The following SLIT3 variants were observed in gnomAD, a reference collection of about 807,000 sequenced individuals.
SLIT3 encodes slit homolog 3 protein.
A neutral mutation model predicts 184.0 loss-of-function variants in SLIT3; 68 were observed. The ratio of observed to expected loss-of-function variants is 0.37; its 90% CI spans 0.30 to 0.45. The LOEUF is 0.45. Among genes scored for constraint, SLIT3 ranks in the 20% least tolerant of loss-of-function variants. SLIT3 has a pLI of 1.00. For synonymous variants in SLIT3, 831 were observed against 828.6 expected (o/e 1.00, Z -0.05); for missense variants, 1,707 against 2,026.0 (o/e 0.84, Z 3.02).
At chr5:168,978,845 C>T (rs1451600341) in intron 4 of SLIT3, among the ~76,000 whole-genome samples, 2 of 151,398 alleles carry the variant, frequency 1.3e-5, no homozygotes, top group Non-Finnish European at 2.9e-5. Context: ...CATTCTCTCC[C>T]TCCTCCATTG....
chr5:168,772,653 T>C (rs1463645665), intron 14 of SLIT3, 128 bp downstream of exon 14: 4 of 997,406 alleles, frequency 4.0e-6, no homozygotes, highest in South Asian at 1.5e-5. Context: ...ATTTCCCCAA[T>C]TTAATTTGCA....
chr5:168,751,773 G>A (rs13158329), intron 18 of SLIT3, among the ~76,000 whole-genome samples: 6,737 of 146,374 alleles, frequency 0.046, 213 homozygotes, highest in Non-Finnish European at 0.068. Context: ...TCGCTCTGTT[G>A]CCAGGCTGGA....
intron 27 of SLIT3, among the ~76,000 whole-genome samples, chr5:168,699,584 A>G (rs1270000691): frequency 4.6e-5 from 7 of 152,308 alleles, no homozygotes. Flanking sequence ...GACAGGGAGG[A>G]GAAAAACCTA....
chr5:169,294,537 G>A (rs1028931768), intron 1 of SLIT3, among the ~76,000 whole-genome samples: 1 of 152,238 alleles, frequency 6.6e-6, no homozygotes, highest in African/African-American at 2.4e-5. Context: ...CTTCCACAGG[G>A]CTCTGGGTTG....
At chr5:168,757,558 C>G (rs1020564627) in intron 16 of SLIT3, among the ~76,000 whole-genome samples, 1 of 152,168 alleles carries the variant, frequency 6.6e-6, no homozygotes, top group African/African-American at 2.4e-5. Context: ...TTCAGCCCCC[C>G]GAGTAGCTGG....
intron 5 of SLIT3, among the ~76,000 whole-genome samples, chr5:168,847,959 C>T (rs1032302105): frequency 6.6e-6 from 1 of 152,156 alleles, no homozygotes; most frequent in African/African-American, 2.4e-5. Context: ...CGCTATCACT[C>T]GGGAGGCATC....
chr5:169,044,205 TG>T (rs1757544028), intron 4 of SLIT3, among the ~76,000 whole-genome samples: 2 of 152,190 alleles, frequency 1.3e-5, no homozygotes, highest in Non-Finnish European at 2.9e-5. Flanking sequence ...ATAAATGGCG[TG>T]GCCATTGTGG....
chr5:169,051,301 C>T (rs555436719), intron 4 of SLIT3, among the ~76,000 whole-genome samples: 3 of 150,808 alleles, frequency 2.0e-5, no homozygotes, highest in East Asian at 3.9e-4. Flanking sequence ...TTTTTTTCCC[C>T]TCTACAAGAT....
Position 168,762,463 on chromosome 5 carries a change from G to A in SLIT3, c.1610+76C>T, listed in dbSNP as rs182503517. 6.3e-5 allele frequency: 96 copies of A among 1,529,872 alleles called. No individual in the cohort carries two copies. The East Asian group carries it at 2.1e-3, about 33-fold the overall frequency. 94.8% of individuals were successfully genotyped at this position (1,529,872 alleles called of 1,614,324 possible). ...TGAGCCAGGAAGGGGTCACCGCCAG[G>A]AGACCCTGCCCACGCTGGCTCCGGG... On this transcript the variant is annotated intron_variant, in intron 15 of 35. Coordinates refer to ENST00000519560, the MANE Select transcript of SLIT3 (RefSeq NM_003062.4).
intron 6 of SLIT3, among the ~76,000 whole-genome samples, chr5:168,827,556 C>G (rs1304506550): frequency 6.6e-6 from 1 of 152,218 alleles, no homozygotes; most frequent in Admixed American, 6.5e-5. Flanking sequence ...TACAAGGCCC[C>G]TCGTGATTAC....
chr5:168,688,911 A>C (rs1306037728), intron 29 of SLIT3, among the ~76,000 whole-genome samples: 1 of 152,230 alleles, frequency 6.6e-6, no homozygotes, highest in African/African-American at 2.4e-5. Context: ...GCCAATACTT[A>C]CAAGATAAAA....
intron 27 of SLIT3, among the ~76,000 whole-genome samples, chr5:168,700,126 G>A (rs1239586355): frequency 6.6e-6 from 1 of 152,242 alleles, no homozygotes; most frequent in Non-Finnish European, 1.5e-5. Flanking sequence ...GGCCAGCACA[G>A]CACGGGCACT....
intron 21 of SLIT3, among the ~76,000 whole-genome samples, chr5:168,723,791 G>A (rs1763022804): frequency 6.6e-6 from 1 of 152,172 alleles, no homozygotes; most frequent in South Asian, 2.1e-4. Flanking sequence ...ATCCTCTGAT[G>A]CCTGAGTTCC....
chr5:168,799,929 G>T (rs1439784092), intron 9 of SLIT3, among the ~76,000 whole-genome samples: 1 of 152,164 alleles, frequency 6.6e-6, no homozygotes, highest in African/African-American at 2.4e-5. Context: ...AGGTTGGTCT[G>T]GTTGAAGTCC....
At chr5:169,170,779 A>G (rs1762792840) in intron 4 of SLIT3, among the ~76,000 whole-genome samples, 1 of 152,206 alleles carries the variant, frequency 6.6e-6, no homozygotes, top group Non-Finnish European at 1.5e-5. Flanking sequence ...GCAGGAATCA[A>G]CCTGTGGGAC....
chr5:169,215,530 A>G (rs1273728579), intron 3 of SLIT3, among the ~76,000 whole-genome samples: 2 of 152,216 alleles, frequency 1.3e-5, no homozygotes, highest in South Asian at 2.1e-4. Context: ...ACATTACTCA[A>G]TTCTGCTGAA....
intron 4 of SLIT3, among the ~76,000 whole-genome samples, chr5:169,176,689 T>G (rs1762998522): frequency 6.6e-6 from 1 of 152,234 alleles, no homozygotes; most frequent in South Asian, 2.1e-4. Context: ...TATGTAACGT[T>G]GCCCTGTAGC....
chr5:168,677,450 T>C (rs1445002342), intron 32 of SLIT3, among the ~76,000 whole-genome samples: 1 of 151,198 alleles, frequency 6.6e-6, no homozygotes, highest in Non-Finnish European at 1.5e-5. Context: ...CTGTTTTTTG[T>C]TTTGTTTTTG....
chr5:168,769,086 T>C (rs1019699528), intron 14 of SLIT3, among the ~76,000 whole-genome samples: 5 of 152,154 alleles, frequency 3.3e-5, no homozygotes, highest in South Asian at 2.1e-4. Context: ...GGAAGCCAAG[T>C]GATGAGTCTG....
Sources: gnomAD v4.1 joint callset for allele counts (sites outside exome capture counted in the v4.1 genomes callset) on GRCh38, gnomAD v4.1.1 for gene constraint, MANE v1.5 for transcripts, NCBI Gene and HGNC (gene_info 2026-07-23, HGNC 2026-07-21) for gene names.